Variants in XRCC3 observed in about 807,000 individuals in gnomAD.
The protein encoded by XRCC3 is DNA repair protein XRCC3.
Under a neutral mutation model 29.2 loss-of-function variants are expected in XRCC3, and 34 were observed. That is an observed-to-expected ratio of 1.16 (90% CI 0.88 to 1.55). The LOEUF (loss-of-function observed/expected upper bound fraction) is 1.55, where lower values mean the gene tolerates loss of function less well. Among genes scored for constraint, XRCC3 ranks in the 40% most tolerant of loss-of-function variants. The pLI is 0.00. For synonymous variants in XRCC3, 223 were observed against 211.3 expected, an observed-to-expected ratio of 1.06 and a Z score of -0.48; for missense variants, 463 against 467.6, an observed-to-expected ratio of 0.99 and a Z score of 0.09.
intron 7 of XRCC3, chr14:103,699,960 G>A (rs1402169339): frequency 1.5e-5 from 5 of 330,432 alleles, no homozygotes; most frequent in Non-Finnish European, 2.4e-5. Context: ...GCAGCAACCA[G>A]CCCCCTCCTT....
chr14:103,706,898 G>C lies in XRCC3; in HGVS notation c.406+105C>G, dbSNP rs890732783. ...GAGAAGGAGGGAGACGCAATGGTAG[G>C]AACAGCGCAAGAGGCGGCCACTGCC... On this transcript the variant is annotated intron_variant, in intron 6 of 9. Coordinates refer to ENST00000555055, the MANE Select transcript of XRCC3 (RefSeq NM_005432.4). The C allele has an allele frequency of 3.2e-6, 4 of 1,258,946 alleles. No homozygotes were observed. The South Asian group carries it at 3.9e-5, about 12-fold the overall frequency. 78.0% of individuals were successfully genotyped at this position (1,258,946 alleles called of 1,614,324 possible).
rs929648870 is a variant in XRCC3 at position 103,698,716 on chromosome 14, G to A, written c.*82C>T. On this transcript the variant is annotated 3_prime_UTR_variant, in exon 10 of 10. Transcript: ENST00000555055. ...TGAACCAGGCTCCCAGCTGTGCCACGGCCCAGGCAGACGCGTTTTAAAGGC... is the reference window on the plus strand; with the variant it reads ...TGAACCAGGCTCCCAGCTGTGCCACAGCCCAGGCAGACGCGTTTTAAAGGC... 19 of 1,301,510 alleles carry A rather than the reference G, an allele frequency of 1.5e-5. No individual in the cohort carries two copies. Among genetic ancestry groups the A allele is most frequent in the African/African-American group, 1.5e-5 (1 of 67,936 alleles). The allele number at this position is 1,301,510 out of a possible 1,614,324, so 80.6% of individuals were successfully genotyped here.
chr14:103,699,641 G>A (rs974065905), intron 7 of XRCC3, 65 bp from the exon 8 acceptor site: 68 of 1,536,136 alleles, frequency 4.4e-5, no homozygotes, highest in Middle Eastern at 1.7e-4. Flanking sequence ...ACCAGACCCC[G>A]TTTGGACTGT....
At position 103,708,592 on chromosome 14, in the gene XRCC3, G is replaced by C. The variant is rs765461939; in HGVS notation, c.123C>G (p.Leu41=). The C allele has an allele frequency of 1.9e-6, 3 of 1,614,230 alleles. No individual in the cohort carries two copies. Among genetic ancestry groups the C allele is most frequent in the Non-Finnish European group, 2.5e-6 (3 of 1,180,032 alleles). ...SGPDLKRLTN[L]SSPEVWHLLR... is the part of the protein sequence containing the mutation. ...GCAAGTGCCAGACCTCGGGGCTGGA[G>C]AGGTTGGTCAGTCTCTTCAAGTCTG... Residue 41 remains leucine (L), a synonymous_variant, in exon 5 of 10, where the codon CTC becomes CTG. Transcript: ENST00000555055.
chr14:103,713,698 A>C (rs1358164937), intron 1 of XRCC3: 2 of 152,312 alleles, frequency 1.3e-5, no homozygotes, highest in Non-Finnish European at 2.9e-5. Context: ...CCTGCTGTGT[A>C]GCTTTGAAGT....
Position 103,712,863 on chromosome 14 carries a change from T to A in XRCC3, c.-261+12A>T, listed in dbSNP as rs1437709101. 1 of 152,384 alleles carries A rather than the reference T, an allele frequency of 6.6e-6. No homozygotes were observed. Among genetic ancestry groups the A allele is most frequent in the African/African-American group, 2.4e-5 (1 of 41,474 alleles). 9.4% of individuals were successfully genotyped at this position (152,384 alleles called of 1,614,324 possible). On this transcript the variant is annotated intron_variant, in intron 2 of 9. Transcript: ENST00000555055. Reference sequence around the variant, plus strand: ...TGGAAGCAGAGTGTCCACTGACGGATAACAGACTCACCGGTTGGCCAACGG... The same window carrying A: ...TGGAAGCAGAGTGTCCACTGACGGAAAACAGACTCACCGGTTGGCCAACGG...
intron 7 of XRCC3, chr14:103,702,037 T>C (rs1289762805): frequency 6.6e-6 from 1 of 152,264 alleles, no homozygotes; most frequent in Non-Finnish European, 1.5e-5. Context: ...CATCTTTTCT[T>C]CTGCGTCTTT....
intron 1 of XRCC3, among the ~76,000 whole-genome samples, chr14:103,714,572 C>T (rs939271978): frequency 5.3e-5 from 8 of 152,120 alleles, no homozygotes; most frequent in African/African-American, 1.7e-4. Context: ...GTGAAGACGC[C>T]ACTGCACTCC....
Position 103,708,252 on chromosome 14 carries a change from G to A in XRCC3, c.193+270C>T, listed in dbSNP as rs764193116. The A allele has an allele frequency of 8.5e-5, 44 of 518,254 alleles. 1 individual carries two copies. The highest frequency in any genetic ancestry group is 1.5e-4 in the Non-Finnish European group (42 of 285,890). The allele number at this position is 518,254 out of a possible 1,614,324, so 32.1% of individuals were successfully genotyped here. ...GGTGCTGACTGCCAAATCCACCCCT[G>A]CTTCCTGCACCCCCTCCTCTGGTCC... On this transcript the variant is annotated intron_variant, in intron 5 of 9. Transcript: ENST00000555055.
chr14:103,710,101 G>GGGGAGCA (rs1267211904), intron 4 of XRCC3: 2 of 152,350 alleles, frequency 1.3e-5, no homozygotes. Flanking sequence ...CGGCTGGCAT[G>GGGGAGCA]GGGAGCAGGG....
chr14:103,699,311 G>T (rs1008315699), intron 8 of XRCC3, 53 bp downstream of exon 8: 14 of 1,552,066 alleles, frequency 9.0e-6, no homozygotes, highest in Non-Finnish European at 1.1e-5. Flanking sequence ...CTCTGCTTCC[G>T]CATCCTGGCT....
In XRCC3 at chr14:103,698,727, A is replaced by G; in HGVS notation, c.*71T>C. On this transcript the variant is annotated 3_prime_UTR_variant, in exon 10 of 10. Coordinates refer to ENST00000555055, the MANE Select transcript of XRCC3 (RefSeq NM_005432.4). ...CCCAGCTGTGCCACGGCCCAGGCAG[A>G]CGCGTTTTAAAGGCCCGAGCCCCGT... 7.3e-7 allele frequency: 1 copy of G among 1,378,622 alleles called. No homozygotes were observed. Among genetic ancestry groups the G allele is most frequent in the Non-Finnish European group, 1.0e-6 (1 of 992,940 alleles). The allele number at this position is 1,378,622 out of a possible 1,614,324, so 85.4% of individuals were successfully genotyped here.
chr14:103,709,262 C>A (rs1310514511), intron 4 of XRCC3: 5 of 176,160 alleles, frequency 2.8e-5, no homozygotes, highest in Admixed American at 5.4e-5. Flanking sequence ...GACCTGCCAT[C>A]TGGGGAGGAG....
chr14:103,703,492 C>T, intron 6 of XRCC3, 165 bp from the exon 7 acceptor site: 1 of 782,280 alleles, frequency 1.3e-6, no homozygotes, highest in South Asian at 1.6e-5. Flanking sequence ...TCTCACCCTC[C>T]CACTGGCAGC....
intron 5 of XRCC3, chr14:103,708,243 T>G (rs1455917324): frequency 4.0e-6 from 2 of 499,134 alleles, no homozygotes; most frequent in Admixed American, 3.3e-5. Context: ...GACTGCCAAA[T>G]CCACCCCTGC....
intron 4 of XRCC3, 96 bp downstream of exon 4, chr14:103,710,933 CAAAG>C: frequency 8.2e-7 from 1 of 1,219,678 alleles, no homozygotes; most frequent in Admixed American, 1.8e-5. Flanking sequence ...TCAGGGTAGG[CAAAG>C]GAAGGAAGGC....
Sources: gnomAD v4.1 joint callset for allele counts (sites outside exome capture counted in the v4.1 genomes callset) on GRCh38, gnomAD v4.1.1 for gene constraint, MANE v1.5 for transcripts, NCBI Gene and HGNC (gene_info 2026-07-23, HGNC 2026-07-21) for gene names.